The following CACNG7 variants were observed in gnomAD, a reference collection of about 807,000 sequenced individuals.
The protein encoded by CACNG7 is voltage-dependent calcium channel gamma-7 subunit.
CACNG7 carries 9 observed loss-of-function variants against 26.3 expected under a neutral mutation model. The observed-to-expected ratio is 0.34, with a 90% CI of 0.21 to 0.60. CACNG7 has a LOEUF of 0.60. Ranked by LOEUF, CACNG7 falls within the 20% of genes least tolerant of loss-of-function variation. The pLI, the probability that CACNG7 is intolerant of heterozygous loss-of-function variation, is 0.81. For missense variants in CACNG7, 297 were observed against 380.4 expected (o/e 0.78, Z 1.82); for synonymous variants, 170 against 157.0 (o/e 1.08, Z -0.62).
At position 53,912,602 on chromosome 19, in the gene CACNG7, C is replaced by T. The variant is rs2068867791; in HGVS notation, c.-29-201C>T. 4 of 530,346 alleles carry T rather than the reference C, an allele frequency of 7.5e-6. No individual in the cohort carries two copies. Among genetic ancestry groups the T allele is most frequent in the Non-Finnish European group, 1.3e-5 (4 of 299,382 alleles). The allele number at this position is 530,346 out of a possible 1,614,324, so 32.9% of individuals were successfully genotyped here. The stretch of plus-strand genomic sequence containing the variant: ...CAGGCAGCAGGTTTGGGGAGCCCAG[C>T]CCTGAGGCTGAGGCTCAACAGTTGG... On this transcript the variant is annotated intron_variant, in intron 1 of 5. Transcript: ENST00000391767. The surrounding 1 kb of genome is among the most constrained non-coding windows in gnomAD (Gnocchi z 4.6).
At chr19:53,918,472 T>C (rs1382994276) in intron 4 of CACNG7, among the ~76,000 whole-genome samples, 1 of 152,198 alleles carries the variant, frequency 6.6e-6, no homozygotes, top group African/African-American at 2.4e-5. Flanking sequence ...TCTTTTGATT[T>C]TTTTTTAAAT....
chr19:53,930,235 G>A (rs2069062365), intron 4 of CACNG7, among the ~76,000 whole-genome samples: 1 of 148,314 alleles, frequency 6.7e-6, no homozygotes, highest in African/African-American at 2.5e-5. Flanking sequence ...TTGAGACAGA[G>A]TCTCACTCTG....
At chr19:53,923,337 A>C (rs2068982073) in intron 4 of CACNG7, among the ~76,000 whole-genome samples, 1 of 122,622 alleles carries the variant, frequency 8.2e-6, no homozygotes, top group African/African-American at 3.4e-5. Context: ...GAGTTGCCCC[A>C]GGCCTGGTCA....
At chr19:53,925,166 T>A (rs1307745456) in intron 4 of CACNG7, among the ~76,000 whole-genome samples, 3 of 109,478 alleles carry the variant, frequency 2.7e-5, no homozygotes, top group Non-Finnish European at 3.6e-5. Flanking sequence ...GCCCCAGGTC[T>A]GGTCATTGGT....
Position 53,942,500 on chromosome 19 carries a change from T to C in CACNG7, c.*207T>C. The C allele has an allele frequency of 7.0e-7, 1 of 1,418,632 alleles. No homozygotes were observed. 87.9% of individuals were successfully genotyped at this position (1,418,632 alleles called of 1,614,324 possible). ...CGCGCCCTCTTTTCCCGACCTCTCC[T>C]TTTCATTGGTCCCTCTCACTCCCAA... is the stretch of plus-strand genomic sequence containing the variant. On this transcript the variant is annotated 3_prime_UTR_variant, in exon 6 of 6. Transcript: ENST00000391767. This position sits in a 1 kb window ranked among gnomAD's most constrained non-coding sequence, Gnocchi z 5.9.
chr19:53,930,573 C>T (rs1052167494), intron 4 of CACNG7, among the ~76,000 whole-genome samples: 23 of 152,146 alleles, frequency 1.5e-4, no homozygotes, highest in African/African-American at 5.6e-4. Flanking sequence ...CGGGGTTTCA[C>T]TGTGTTAGCC....
chr19:53,921,728 CATTGGTGGAGTTGCCCCAGGTCTGGT>C lies in CACNG7; in HGVS notation c.424+6237_424+6262del, dbSNP rs1319273953. Among the ~76,000 whole-genome samples, 37 of 94,054 alleles carry C rather than the reference CATTGGTGGAGTTGCCCCAGGTCTGGT, an allele frequency of 3.9e-4. 1 individual carries two copies. The highest frequency in any genetic ancestry group is 1.8e-3 in the Admixed American group (18 of 9,878). 61.7% of individuals were successfully genotyped at this position (94,054 alleles called of 152,430 possible). On this transcript the variant is annotated intron_variant, in intron 4 of 5. Transcript: ENST00000391767. ...ATTGGTGGAGCTGTCCCAGGCTGGT[CATTGGTGGAGTTGCCCCAGGTCTGGT>C]ATTGGTGGAGTTGTCCCAGGTCTGG... is the stretch of plus-strand genomic sequence containing the variant.
chr19:53,924,102 G>A (rs1408316676), intron 4 of CACNG7, among the ~76,000 whole-genome samples: 1 of 141,694 alleles, frequency 7.1e-6, no homozygotes. Flanking sequence ...CCCCAGGTCT[G>A]GGTATTGGTG....
chr19:53,923,576 T>TCCCAGGTCTGGTCATTGGTGCAGTTGC (rs2068986918), intron 4 of CACNG7, among the ~76,000 whole-genome samples: 2 of 83,166 alleles, frequency 2.4e-5, no homozygotes, highest in Non-Finnish European at 5.0e-5. Context: ...GGTGGAGTTG[T>TCCCAGGTCTGGTCATTGGTGCAGTTGC]CCCAGGCTGG....
At chr19:53,921,742 CCCCAGGTCTGGTATTGGTGGAGTTGT>C (rs1568774687) in intron 4 of CACNG7, among the ~76,000 whole-genome samples, 2 of 55,404 alleles carry the variant, frequency 3.6e-5, no homozygotes, top group East Asian at 3.5e-4. Context: ...GGTGGAGTTG[CCCCAGGTCTGGTATTGGTGGAGTTGT>C]CCCAGGTCTG....
chr19:53,936,899 G>A (rs1405719867), intron 4 of CACNG7, among the ~76,000 whole-genome samples: 16 of 151,824 alleles, frequency 1.1e-4, no homozygotes, highest in Non-Finnish European at 1.3e-4. Context: ...ATGAGCCACC[G>A]TGCCCAGCCT....
chr19:53,920,865 T>C (rs1470068234), intron 4 of CACNG7, among the ~76,000 whole-genome samples: 6 of 92,214 alleles, frequency 6.5e-5, no homozygotes, highest in Admixed American at 2.1e-4. Flanking sequence ...TTGCCCCAGG[T>C]CTGGTCATTG....
At chr19:53,913,802 A>AG (rs11434021) in intron 2 of CACNG7, among the ~76,000 whole-genome samples, 2,967 of 150,734 alleles carry the variant, frequency 0.02, 107 homozygotes, top group African/African-American at 0.069. Flanking sequence ...AAAAAAAAAA[A>AG]AAAAAAGAAA....
At chr19:53,914,368 A>G (rs2068881273) in intron 2 of CACNG7, 132 bp from the exon 3 acceptor site, 4 of 663,978 alleles carry the variant, frequency 6.0e-6, no homozygotes, top group Non-Finnish European at 1.1e-5. Flanking sequence ...GGAGTAGTAC[A>G]GCTCGTAACC....
chr19:53,926,961 C>CT (rs572335202), intron 4 of CACNG7, among the ~76,000 whole-genome samples: 325 of 152,124 alleles, frequency 2.1e-3, no homozygotes, highest in African/African-American at 7.7e-3. Flanking sequence ...TTTCCTTTTT[C>CT]TTTTTTTCTT....
chr19:53,912,967 C>G lies in CACNG7; in HGVS notation c.136C>G (p.Gln46Glu). 1 of 1,613,930 alleles carries G rather than the reference C, an allele frequency of 6.2e-7. No individual in the cohort carries two copies. Among genetic ancestry groups the G allele is most frequent in the African/African-American group, 1.3e-5 (1 of 74,994 alleles). The part of the protein sequence containing the change: ...MEEGTVLPQN[Q>E]TTEVKMALHA... ...AGAAGGCACAGTGCTACCGCAGAAC[C>G]AGACCACCGAGGTCAAGATGGCCCT... Residue 46 changes from glutamine (Q) to glutamate (E), a missense_variant, in exon 2 of 6, where the codon CAG (glutamine) becomes GAG (glutamate). Transcript: ENST00000391767. This position sits in a 1 kb window ranked among gnomAD's most constrained non-coding sequence, Gnocchi z 4.6.
chr19:53,926,119 T>G (rs1001727029), intron 4 of CACNG7, among the ~76,000 whole-genome samples: 3 of 152,200 alleles, frequency 2.0e-5, no homozygotes, highest in Non-Finnish European at 2.9e-5. Flanking sequence ...GTGCACTCAC[T>G]CACAGAACAG....
At chr19:53,930,760 C>A (rs753618548) in intron 4 of CACNG7, among the ~76,000 whole-genome samples, 3 of 151,410 alleles carry the variant, frequency 2.0e-5, no homozygotes, top group Non-Finnish European at 4.4e-5. Flanking sequence ...TGCCCTCAGC[C>A]TCCCAAAGTG....
Position 53,921,956 on chromosome 19 carries a change from G to GT in CACNG7, c.424+6451_424+6452insT, listed in dbSNP as rs544497443. Among the ~76,000 whole-genome samples the GT allele has an allele frequency of 6.4e-3, 529 of 82,838 alleles. 21 individuals are homozygous for GT. Among genetic ancestry groups the GT allele is most frequent in the Admixed American group, 0.011 (100 of 8,844 alleles). 54.3% of individuals were successfully genotyped at this position (82,838 alleles called of 152,430 possible). A position where few individuals can be genotyped will look rare whatever the true frequency, so the allele number is the denominator to read the frequency against. ...CCCAGGTCTGGTCATTGGTGGAGTT[G>GT]CCCCAGGCCTGGTCATTGGTGGAGT... On this transcript the variant is annotated intron_variant, in intron 4 of 5. Coordinates refer to ENST00000391767, the MANE Select transcript of CACNG7 (RefSeq NM_031896.5).
Sources: allele counts gnomAD v4.1 joint callset (sites outside exome capture counted in the v4.1 genomes callset), GRCh38; gene constraint gnomAD v4.1.1; non-coding constraint Gnocchi (gnomAD v3.1); transcripts MANE v1.5; gene names NCBI Gene and HGNC (gene_info 2026-07-23, HGNC 2026-07-21).